RIMS2: variants seen among roughly 807,000 people sequenced by gnomAD.
RIMS2 encodes regulating synaptic membrane exocytosis 2.
A neutral mutation model predicts 174.4 loss-of-function variants in RIMS2; 59 were observed. The ratio of observed to expected loss-of-function variants is 0.34; its 90% CI spans 0.27 to 0.42. The LOEUF is 0.42. Ranked by LOEUF, RIMS2 falls within the 10% of genes least tolerant of loss-of-function variation. The pLI, the probability that RIMS2 is intolerant of heterozygous loss-of-function variation, is 1.00. For missense variants in RIMS2, 1,620 were observed against 1,666.3 expected (o/e 0.97, Z 0.48); for synonymous variants, 606 against 572.5 (o/e 1.06, Z -0.84).
chr8:103,611,485 T>G (rs2095364374), intron 1 of RIMS2, among the ~76,000 whole-genome samples: 1 of 152,126 alleles, frequency 6.6e-6, no homozygotes, highest in Non-Finnish European at 1.5e-5. Flanking sequence ...TCTTATAGGA[T>G]AGGTCTAGTG....
chr8:104,159,627 A>T (rs1033087232), intron 19 of RIMS2, among the ~76,000 whole-genome samples: 4 of 152,056 alleles, frequency 2.6e-5, no homozygotes, highest in African/African-American at 9.7e-5. Flanking sequence ...TCTAATGAGT[A>T]TGAGGGTGGT....
chr8:103,710,301 G>A (rs1378646167), intron 2 of RIMS2, among the ~76,000 whole-genome samples: 1 of 151,940 alleles, frequency 6.6e-6, no homozygotes, highest in Non-Finnish European at 1.5e-5. Context: ...ATAATCTTTT[G>A]TTTTAATTTT....
intron 3 of RIMS2, among the ~76,000 whole-genome samples, chr8:103,788,875 C>A (rs145686013): frequency 6.6e-6 from 1 of 151,860 alleles, no homozygotes; most frequent in African/African-American, 2.4e-5. Flanking sequence ...CCAGCCTCGC[C>A]GCCGCCTTGC....
chr8:104,181,231 T>G (rs1382887644), intron 19 of RIMS2, among the ~76,000 whole-genome samples: 1 of 151,668 alleles, frequency 6.6e-6, no homozygotes. Flanking sequence ...GAAGCATATC[T>G]TGGAATTAAT....
intron 19 of RIMS2, among the ~76,000 whole-genome samples, chr8:104,077,418 G>A (rs1450552797): frequency 6.6e-6 from 1 of 151,296 alleles, no homozygotes; most frequent in Non-Finnish European, 1.5e-5. Flanking sequence ...GGGGAGAAAA[G>A]GATGAAAAAT....
At chr8:103,506,264 T>C (rs1348885252) in intron 1 of RIMS2, among the ~76,000 whole-genome samples, 1 of 152,130 alleles carries the variant, frequency 6.6e-6, no homozygotes, top group African/African-American at 2.4e-5. Flanking sequence ...ATATATATTC[T>C]ATTTTGAAAT....
chr8:103,643,585 T>C (rs557453290), intron 1 of RIMS2, among the ~76,000 whole-genome samples: 2 of 152,272 alleles, frequency 1.3e-5, no homozygotes, highest in African/African-American at 4.8e-5. Flanking sequence ...GTAGCTGTGG[T>C]GTCAGAGGCT....
At chr8:103,521,006 C>T (rs1831393458) in intron 1 of RIMS2, among the ~76,000 whole-genome samples, 1 of 151,912 alleles carries the variant, frequency 6.6e-6, no homozygotes, top group Non-Finnish European at 1.5e-5. Context: ...GACATGAACT[C>T]ATCATTTTTT....
At position 103,581,146 on chromosome 8, in the gene RIMS2, A is replaced by G. The variant is rs143767653; in HGVS notation, c.176+80084A>G. On this transcript the variant is annotated intron_variant, in intron 1 of 23. Transcript: ENST00000504942. Reference sequence around the variant, plus strand: ...AAGGGAATACTTTCAAACTCATTCTACTAGGCAAGCATTACCCTGATGCCA... The same window carrying G: ...AAGGGAATACTTTCAAACTCATTCTGCTAGGCAAGCATTACCCTGATGCCA... 2.0e-4 allele frequency among the ~76,000 whole-genome samples: 31 copies of G among 152,244 alleles called. No homozygotes were observed. The East Asian group carries it at 6.0e-3, about 29-fold the overall frequency.
chr8:104,140,559 T>C (rs73299456), intron 19 of RIMS2, among the ~76,000 whole-genome samples: 10 of 152,156 alleles, frequency 6.6e-5, no homozygotes, highest in African/African-American at 2.4e-4. Flanking sequence ...AAGTGGTACC[T>C]CTAGGTAGAT....
rs184140619 is a variant in RIMS2 at position 104,247,211 on chromosome 8, G to T, written c.3477-1490G>T. On this transcript the variant is annotated intron_variant, in intron 20 of 23. Transcript: ENST00000504942. Reference sequence around the variant, plus strand: ...AAAGAGAGTATATTTGTTTGCCAGGGCTACCATAATAAAATACCACAGGCT... The same window carrying T: ...AAAGAGAGTATATTTGTTTGCCAGGTCTACCATAATAAAATACCACAGGCT... Among the ~76,000 whole-genome samples, 368 of 152,264 alleles carry T rather than the reference G, an allele frequency of 2.4e-3. 2 individuals are homozygous for T. Among genetic ancestry groups the T allele is most frequent in the Non-Finnish European group, 4.0e-3 (269 of 68,028 alleles).
At chr8:104,083,823 G>A (rs1433163085) in intron 19 of RIMS2, among the ~76,000 whole-genome samples, 1 of 152,086 alleles carries the variant, frequency 6.6e-6, no homozygotes, top group Admixed American at 6.6e-5. Context: ...GACTGAGGCA[G>A]ATATTTCAGA....
chr8:103,555,800 C>CTCA (rs2131771083), intron 1 of RIMS2, among the ~76,000 whole-genome samples: 1 of 135,524 alleles, frequency 7.4e-6, no homozygotes, highest in East Asian at 2.1e-4. Context: ...CTCTCTCTCT[C>CTCA]AAAAAAAAAA....
chr8:104,129,076 G>C (rs1358433597), intron 19 of RIMS2, among the ~76,000 whole-genome samples: 1 of 152,004 alleles, frequency 6.6e-6, no homozygotes, highest in African/African-American at 2.4e-5. Context: ...TTATATGAAG[G>C]GAAAAAAGTG....
At chr8:103,997,892 G>A (rs773051673) in intron 17 of RIMS2, among the ~76,000 whole-genome samples, 22 of 149,568 alleles carry the variant, frequency 1.5e-4, no homozygotes, top group Middle Eastern at 6.8e-3. Flanking sequence ...ATAAAAAATG[G>A]TAAAGCATCT....
At chr8:104,195,249 G>C (rs1388568492) in intron 19 of RIMS2, among the ~76,000 whole-genome samples, 1 of 152,148 alleles carries the variant, frequency 6.6e-6, no homozygotes, top group East Asian at 1.9e-4. Context: ...TGATTGATTA[G>C]ATATGGATGG....
intron 1 of RIMS2, among the ~76,000 whole-genome samples, chr8:103,533,049 G>T (rs867165815): frequency 6.6e-6 from 1 of 152,096 alleles, no homozygotes. Flanking sequence ...CTCAAGTAGG[G>T]AAAATTAGAA....
intron 15 of RIMS2, among the ~76,000 whole-genome samples, chr8:103,961,945 A>G (rs1248328590): frequency 2.0e-5 from 3 of 152,180 alleles, no homozygotes; most frequent in Non-Finnish European, 2.9e-5. Context: ...CTAAGGGTGA[A>G]CAATATAAGA....
intron 2 of RIMS2, among the ~76,000 whole-genome samples, chr8:103,698,691 G>C (rs556555334): frequency 6.6e-6 from 1 of 152,034 alleles, no homozygotes; most frequent in East Asian, 1.9e-4. Flanking sequence ...GGCTGGACTT[G>C]AACTCCTGGG....
Sources: gnomAD v4.1 joint callset for allele counts (sites outside exome capture counted in the v4.1 genomes callset) on GRCh38, gnomAD v4.1.1 for gene constraint, MANE v1.5 for transcripts, NCBI Gene and HGNC (gene_info 2026-07-23, HGNC 2026-07-21) for gene names.